Variants in VPS8 observed in about 807,000 individuals in gnomAD.
VPS8 encodes VPS8 subunit of CORVET complex.
Under a neutral mutation model 216.4 loss-of-function variants are expected in VPS8, and 129 were observed. That is an observed-to-expected ratio of 0.60 (90% CI 0.52 to 0.69). The LOEUF is 0.69. VPS8 is among the 30% of genes least tolerant of loss of function. The pLI is 0.00. For missense variants in VPS8, 1,531 were observed against 1,683.5 expected, an observed-to-expected ratio of 0.91 and a Z score of 1.59; for synonymous variants, 571 against 565.4, an observed-to-expected ratio of 1.01 and a Z score of -0.14.
chr3:184,857,889 T>TC (rs1406141811), intron 14 of VPS8, among the ~76,000 whole-genome samples: 1 of 152,212 alleles, frequency 6.6e-6, no homozygotes, highest in Non-Finnish European at 1.5e-5. Flanking sequence ...TGGCTCTAGA[T>TC]CCCATGTTCA....
chr3:184,826,116 A>C (rs1044509949), intron 2 of VPS8, 47 bp from the exon 3 acceptor site: 2 of 1,385,052 alleles, frequency 1.4e-6, no homozygotes, highest in Non-Finnish European at 2.0e-6. Context: ...CACAATTATA[A>C]GCAGAAAGGC....
At chr3:184,940,597 T>TG (rs1422327247) in intron 36 of VPS8, among the ~76,000 whole-genome samples, 1 of 152,188 alleles carries the variant, frequency 6.6e-6, no homozygotes, top group Non-Finnish European at 1.5e-5. Flanking sequence ...GGGTGATTGA[T>TG]GGTGGCTCTA....
intron 45 of VPS8, among the ~76,000 whole-genome samples, chr3:185,012,104 G>T (rs554151935): frequency 1.3e-5 from 2 of 151,792 alleles, no homozygotes; most frequent in African/African-American, 4.8e-5. Flanking sequence ...AATGATAATT[G>T]TAACTGAAGC....
chr3:184,952,909 C>T (rs1296790449), intron 36 of VPS8, among the ~76,000 whole-genome samples: 1 of 152,202 alleles, frequency 6.6e-6, no homozygotes, highest in South Asian at 2.1e-4. Flanking sequence ...TGGTCACAAC[C>T]TCAGACAGTT....
At chr3:184,962,052 G>A (rs1488486495) in intron 37 of VPS8, among the ~76,000 whole-genome samples, 7 of 152,226 alleles carry the variant, frequency 4.6e-5, no homozygotes, top group African/African-American at 1.7e-4. Flanking sequence ...GTGAGCCAGT[G>A]CACCCGGCCA....
chr3:184,900,713 T>A lies in VPS8; in HGVS notation c.2095-208T>A, dbSNP rs568143176. ...TATATAACTGGTATTTATTAAATGATTTTTTTCGGTGAGGAATATGACAAC... is the reference window on the plus strand; with the variant it reads ...TATATAACTGGTATTTATTAAATGAATTTTTTCGGTGAGGAATATGACAAC... On this transcript the variant is annotated intron_variant, in intron 24 of 47. Coordinates refer to ENST00000625842, the MANE Select transcript of VPS8 (RefSeq NM_001009921.3). Among the ~76,000 whole-genome samples the A allele has an allele frequency of 7.2e-5, 11 of 152,314 alleles. No homozygotes were observed. In the South Asian group the frequency reaches 1.7e-3, roughly 23 times the overall value.
chr3:184,990,978 A>G (rs1177706670), intron 42 of VPS8, among the ~76,000 whole-genome samples: 3 of 151,702 alleles, frequency 2.0e-5, no homozygotes, highest in Admixed American at 1.3e-4. Flanking sequence ...TTAAAGGACC[A>G]TATTTTTGTT....
chr3:184,939,681 A>G (rs1742310360), intron 35 of VPS8, among the ~76,000 whole-genome samples: 2 of 152,034 alleles, frequency 1.3e-5, no homozygotes, highest in Non-Finnish European at 2.9e-5. Flanking sequence ...GATTGCTAAC[A>G]TGTTGCAGTT....
At chr3:184,906,484 G>A (rs973302197) in intron 25 of VPS8, among the ~76,000 whole-genome samples, 5 of 151,690 alleles carry the variant, frequency 3.3e-5, no homozygotes, top group African/African-American at 4.8e-5. Flanking sequence ...TAAGTCTGTC[G>A]AAATGAATTA....
At chr3:185,014,994 A>G (rs1273066616) in intron 45 of VPS8, among the ~76,000 whole-genome samples, 1 of 152,212 alleles carries the variant, frequency 6.6e-6, no homozygotes, top group Admixed American at 6.5e-5. Context: ...TACATAAGCT[A>G]GTCTCCCAAA....
intron 46 of VPS8, among the ~76,000 whole-genome samples, chr3:185,039,394 G>T (rs1759331369): frequency 6.6e-6 from 1 of 152,066 alleles, no homozygotes; most frequent in Non-Finnish European, 1.5e-5. Context: ...TCTGCTTTCG[G>T]TGGGAGCCTC....
intron 10 of VPS8, 23 bp downstream of exon 10, chr3:184,850,045 C>G (rs1337051472): frequency 3.4e-5 from 54 of 1,571,502 alleles, no homozygotes; most frequent in Non-Finnish European, 4.4e-5. Flanking sequence ...TTTTCTTTTC[C>G]TAATAATTTT....
chr3:184,927,801 T>G (rs1739938803), intron 31 of VPS8, among the ~76,000 whole-genome samples: 1 of 152,202 alleles, frequency 6.6e-6, no homozygotes, highest in Non-Finnish European at 1.5e-5. Flanking sequence ...CTTAGGTCCC[T>G]CACGTAAGTG....
chr3:185,008,382 A>G (rs1370296306), intron 45 of VPS8, among the ~76,000 whole-genome samples: 1 of 152,218 alleles, frequency 6.6e-6, no homozygotes, highest in Admixed American at 6.5e-5. Flanking sequence ...ATGACGATAC[A>G]TTGGTGAACA....
chr3:184,969,723 C>A (rs1748084192), intron 39 of VPS8, among the ~76,000 whole-genome samples: 2 of 151,332 alleles, frequency 1.3e-5, no homozygotes, highest in Non-Finnish European at 2.9e-5. Flanking sequence ...AGCCACCACA[C>A]CCAGCCAAAA....
intron 28 of VPS8, among the ~76,000 whole-genome samples, chr3:184,917,636 C>T (rs1458277837): frequency 6.6e-6 from 1 of 152,200 alleles, no homozygotes; most frequent in African/African-American, 2.4e-5. Context: ...GAACTCCTGA[C>T]CTCAGGTGAT....
rs146679128 is a variant in VPS8 at position 184,975,423 on chromosome 3, C to A, written c.3420+3671C>A. Among the ~76,000 whole-genome samples the A allele has an allele frequency of 2.0e-5, 3 of 151,014 alleles. 1 individual carries two copies. The highest frequency in any genetic ancestry group is 4.4e-5 in the Non-Finnish European group (3 of 67,628). ...TTGAATCCAGCAACTTCACTGAATT[C>A]GTTTATCAGTTCTAACAGTTTCTTG... On this transcript the variant is annotated intron_variant, in intron 40 of 47. Coordinates refer to ENST00000625842, the MANE Select transcript of VPS8 (RefSeq NM_001009921.3).
intron 32 of VPS8, among the ~76,000 whole-genome samples, chr3:184,929,179 A>C (rs1255859135): frequency 6.6e-6 from 1 of 152,084 alleles, no homozygotes; most frequent in Non-Finnish European, 1.5e-5. Flanking sequence ...TAGAAATCAC[A>C]TCTACTATAT....
chr3:184,903,929 A>G (rs1434829177), intron 25 of VPS8, among the ~76,000 whole-genome samples: 1 of 152,068 alleles, frequency 6.6e-6, no homozygotes, highest in Non-Finnish European at 1.5e-5. Context: ...ATTTTTTTCA[A>G]TGATGTTTTG....
Sources: allele counts gnomAD v4.1 joint callset (sites outside exome capture counted in the v4.1 genomes callset), GRCh38; gene constraint gnomAD v4.1.1; transcripts MANE v1.5; gene names NCBI Gene and HGNC (gene_info 2026-07-23, HGNC 2026-07-21).